PARD3B: variants seen among roughly 807,000 people sequenced by gnomAD.
PARD3B encodes the protein partitioning defective 3 homolog B.
A neutral mutation model predicts 130.2 loss-of-function variants in PARD3B; 103 were observed. The ratio of observed to expected loss-of-function variants is 0.79; its 90% confidence interval spans 0.67 to 0.93. PARD3B has a LOEUF of 0.93. PARD3B is among the 40% of genes least tolerant of loss of function. The pLI is 0.00. For synonymous variants in PARD3B, 583 were observed against 553.2 expected, an observed-to-expected ratio of 1.05 and a Z score of -0.76; for missense variants, 1,609 against 1,499.2, an observed-to-expected ratio of 1.07 and a Z score of -1.21.
At chr2:205,296,663 ATGTGTGTGTGTGTGTGTG>A (rs3048084) in intron 16 of PARD3B, among the ~76,000 whole-genome samples, 3 of 137,928 alleles carry the variant, frequency 2.2e-5, no homozygotes, top group East Asian at 4.4e-4. Flanking sequence ...GTGTTTGTGT[ATGTGTGTGTGTGTGTGTG>A]TGTGTGTGTG....
In PARD3B at chr2:205,253,065, A is replaced by G. The variant is rs186423697; in HGVS notation, c.2185+7243A>G. On this transcript the variant is annotated intron_variant, in intron 16 of 22. Transcript: ENST00000406610. The surrounding 1 kb of genome is among the most constrained non-coding windows in gnomAD (Gnocchi z 4.4). ...GTACTTGTCAGCTATTGCTGCAACTATGCTGCATAATAAAACCAACAGTAA... is the reference window on the plus strand; with the variant it reads ...GTACTTGTCAGCTATTGCTGCAACTGTGCTGCATAATAAAACCAACAGTAA... 6.6e-5 allele frequency among the ~76,000 whole-genome samples: 10 copies of G among 152,238 alleles called. No individual in the cohort carries two copies. In the East Asian group the frequency reaches 1.7e-3, roughly 26 times the overall value.
At chr2:205,588,487 T>A (rs1429256256) in intron 22 of PARD3B, among the ~76,000 whole-genome samples, 1 of 149,856 alleles carries the variant, frequency 6.7e-6, no homozygotes, top group Non-Finnish European at 1.5e-5. Context: ...ACAAGTAATG[T>A]TTTTTTTTCA....
chr2:205,029,843 C>G (rs1697301075), intron 3 of PARD3B, among the ~76,000 whole-genome samples: 1 of 152,206 alleles, frequency 6.6e-6, no homozygotes, highest in African/African-American at 2.4e-5. Context: ...CAGACAGAAC[C>G]CTGGGCTAGA....
chr2:205,528,098 C>T (rs1420804442), intron 21 of PARD3B, among the ~76,000 whole-genome samples: 1 of 152,168 alleles, frequency 6.6e-6, no homozygotes, highest in African/African-American at 2.4e-5. Context: ...GGTTAGACAG[C>T]ATCCCATTGG....
intron 21 of PARD3B, among the ~76,000 whole-genome samples, chr2:205,516,144 A>G (rs1299016467): frequency 6.6e-6 from 1 of 151,930 alleles, no homozygotes; most frequent in African/African-American, 2.4e-5. Flanking sequence ...CTTCTGTTCC[A>G]TTGGTCTGTG....
rs2047085722 is a variant in PARD3B at position 204,907,678 on chromosome 2, T to A, written c.223-57474T>A. Among the ~76,000 whole-genome samples, 2 of 152,100 alleles carry A rather than the reference T, an allele frequency of 1.3e-5. No individual in the cohort carries two copies. Among genetic ancestry groups the A allele is most frequent in the South Asian group, 4.1e-4 (2 of 4,822 alleles). ...TGACATGTTACTTCATGGGCTTGTT[T>A]CTATAAAGAGTGGTTTTTTTGTCTT... is the stretch of plus-strand genomic sequence containing the variant. On this transcript the variant is annotated intron_variant, in intron 2 of 22. Transcript: ENST00000406610. The surrounding 1 kb of genome is among the most constrained non-coding windows in gnomAD (Gnocchi z 5.7).
chr2:205,218,459 T>A (rs2038065666), intron 15 of PARD3B, among the ~76,000 whole-genome samples: 2 of 152,196 alleles, frequency 1.3e-5, no homozygotes, highest in Non-Finnish European at 2.9e-5. Context: ...TTTATTATTT[T>A]AAAAAATATC....
intron 22 of PARD3B, among the ~76,000 whole-genome samples, chr2:205,594,038 G>C (rs2054484410): frequency 6.6e-6 from 1 of 152,224 alleles, no homozygotes; most frequent in African/African-American, 2.4e-5. Flanking sequence ...GGTCACACTT[G>C]CAGAGGGCAG....
At position 205,007,826 on chromosome 2, in the gene PARD3B, G is replaced by A. The variant is rs186048971; in HGVS notation, c.395-39755G>A. Among the ~76,000 whole-genome samples the A allele has an allele frequency of 1.6e-4, 24 of 152,064 alleles. No homozygotes were observed. The East Asian group carries it at 4.3e-3, about 27-fold the overall frequency. On this transcript the variant is annotated intron_variant, in intron 3 of 22. Coordinates refer to ENST00000406610, the MANE Select transcript of PARD3B (RefSeq NM_001302769.2). ...ATTGATTCTCTCATCCATGAACATG[G>A]GATGTTATTCCATTTGTTTCAACGA...
At chr2:205,216,269 C>G (rs529662895) in intron 15 of PARD3B, among the ~76,000 whole-genome samples, 20 of 152,070 alleles carry the variant, frequency 1.3e-4, no homozygotes, top group Non-Finnish European at 2.1e-4. Context: ...GCTAAACCAT[C>G]GAGGTTTGTG....
intron 2 of PARD3B, among the ~76,000 whole-genome samples, chr2:204,881,513 C>A (rs1248791470): frequency 6.6e-6 from 1 of 151,430 alleles, no homozygotes; most frequent in African/African-American, 2.4e-5. Flanking sequence ...TCCTTTTAGC[C>A]CTGAAGGACT....
At chr2:204,873,424 G>C (rs1202433911) in intron 2 of PARD3B, among the ~76,000 whole-genome samples, 1 of 152,190 alleles carries the variant, frequency 6.6e-6, no homozygotes, top group Non-Finnish European at 1.5e-5. Flanking sequence ...TCTCAAGCCA[G>C]TGATTTCCCC....
intron 2 of PARD3B, among the ~76,000 whole-genome samples, chr2:204,723,131 A>G (rs1049908093): frequency 6.6e-6 from 1 of 152,180 alleles, no homozygotes. Context: ...TTGAATTGTT[A>G]TAGATCCATC....
chr2:205,138,572 A>G (rs1229476426), intron 10 of PARD3B, among the ~76,000 whole-genome samples: 2 of 152,228 alleles, frequency 1.3e-5, no homozygotes, highest in African/African-American at 4.8e-5. Context: ...GAGGGAGAAG[A>G]ATTTTTTTTA....
At chr2:204,851,995 CA>C (rs1214708061) in intron 2 of PARD3B, among the ~76,000 whole-genome samples, 1 of 152,116 alleles carries the variant, frequency 6.6e-6, no homozygotes, top group Non-Finnish European at 1.5e-5. Context: ...ACCCAGCTGA[CA>C]ATCTTTTTTC....
intron 21 of PARD3B, among the ~76,000 whole-genome samples, chr2:205,519,853 C>T (rs1256867597): frequency 1.3e-5 from 2 of 152,134 alleles, no homozygotes; most frequent in African/African-American, 2.4e-5. Context: ...GTTAGCAGGG[C>T]ATTTTTGGTG....
At chr2:205,449,470 A>C (rs567306180) in intron 20 of PARD3B, among the ~76,000 whole-genome samples, 1 of 152,176 alleles carries the variant, frequency 6.6e-6, no homozygotes, top group African/African-American at 2.4e-5. Context: ...ACCTCAGGTG[A>C]TCCACCCGCC....
rs2054365335 is a variant in PARD3B at position 205,590,936 on chromosome 2, A to G, written c.3261-24520A>G. Among the ~76,000 whole-genome samples the G allele has an allele frequency of 6.6e-6, 1 of 152,100 alleles. No homozygotes were observed. Among genetic ancestry groups the G allele is most frequent in the African/African-American group, 2.4e-5 (1 of 41,422 alleles). ...AGTGATTCATCCATCAGATAATCCC[A>G]TATAAAGGAAAAAGACAAGAGAGAC... On this transcript the variant is annotated intron_variant, in intron 22 of 22. Transcript: ENST00000406610. The surrounding 1 kb of genome is among the most constrained non-coding windows in gnomAD (Gnocchi z 4.1).
At chr2:205,533,796 C>G (rs193242699) in intron 21 of PARD3B, among the ~76,000 whole-genome samples, 1 of 152,154 alleles carries the variant, frequency 6.6e-6, no homozygotes, top group African/African-American at 2.4e-5. Context: ...GGGGTGCAAA[C>G]AGGTCACTGC....
Sources: allele counts gnomAD v4.1 joint callset (sites outside exome capture counted in the v4.1 genomes callset), GRCh38; gene constraint gnomAD v4.1.1; non-coding constraint Gnocchi (gnomAD v3.1); transcripts MANE v1.5; gene names NCBI Gene and HGNC (gene_info 2026-07-23, HGNC 2026-07-21).